DNAH11: variants seen among roughly 807,000 people sequenced by gnomAD.
DNAH11 encodes axonemal beta dynein heavy chain 11.
In DNAH11, 442 loss-of-function variants were observed where a neutral mutation model predicts 526.0. The ratio of observed to expected loss-of-function variants is 0.84; its 90% confidence interval spans 0.78 to 0.91. DNAH11 has a LOEUF of 0.91. Ranked by LOEUF, DNAH11 falls within the 40% of genes least tolerant of loss-of-function variation. DNAH11 has a pLI of 0.00. For synonymous variants in DNAH11, 2,461 were observed against 1,935.9 expected, an observed-to-expected ratio of 1.27 and a Z score of -7.12; for missense variants, 6,989 against 5,448.7, an observed-to-expected ratio of 1.28 and a Z score of -8.90.
chr7:21,803,278 A>G (rs1789076959), intron 62 of DNAH11, among the ~76,000 whole-genome samples: 1 of 152,122 alleles, frequency 6.6e-6, no homozygotes, highest in African/African-American at 2.4e-5. Context: ...CACATATTAC[A>G]AAAAATGCTA....
intron 68 of DNAH11, among the ~76,000 whole-genome samples, chr7:21,860,647 C>T (rs962204607): frequency 6.6e-6 from 1 of 152,278 alleles, no homozygotes; most frequent in African/African-American, 2.4e-5. Flanking sequence ...CATGCTGCAA[C>T]GTGGATGAAC....
chr7:21,851,280 C>A, intron 66 of DNAH11: 1 of 242,060 alleles, frequency 4.1e-6, no homozygotes, highest in Non-Finnish European at 8.3e-6. Flanking sequence ...CTGCTGCCGC[C>A]AAGGAAAGAA....
intron 77 of DNAH11, among the ~76,000 whole-genome samples, chr7:21,893,927 T>C (rs1784415509): frequency 1.3e-5 from 2 of 152,212 alleles, no homozygotes; most frequent in African/African-American, 4.8e-5. Flanking sequence ...TTCATTCTGT[T>C]GCCCAGGCTG....
At chr7:21,610,261 CA>C (rs1257421985) in intron 20 of DNAH11, among the ~76,000 whole-genome samples, 2 of 151,998 alleles carry the variant, frequency 1.3e-5, no homozygotes, top group African/African-American at 2.4e-5. Context: ...CTCAAAAAAA[CA>C]AAAACAAAAC....
Position 21,543,296 on chromosome 7 carries a change from G to A in DNAH11, c.51G>A (p.Pro17=), listed in dbSNP as rs1402035790. The change falls in exon 1 of 82, where the codon CCG becomes CCA. Residue 17 remains proline (P), a synonymous_variant. Transcript: ENST00000409508. The stretch of plus-strand genomic sequence containing the variant: ...AGGCGCGAGACTTCAGAGAAGCCCC[G>A]ACCCTTCGCCTAACCTCGGGGGCCG... ...AREARDFREA[P]TLRLTSGAGL... 2 of 1,548,326 alleles carry A rather than the reference G, an allele frequency of 1.3e-6. No homozygotes were observed. The highest frequency in any genetic ancestry group is 1.7e-6 in the Non-Finnish European group (2 of 1,145,888).
At chr7:21,773,284 A>C (rs1413156393) in intron 55 of DNAH11, among the ~76,000 whole-genome samples, 1 of 150,334 alleles carries the variant, frequency 6.7e-6, no homozygotes, top group African/African-American at 2.4e-5. Context: ...TTTATACCCT[A>C]CTATCCAGTT....
intron 45 of DNAH11, among the ~76,000 whole-genome samples, chr7:21,733,065 G>T (rs150404112): frequency 7.2e-5 from 11 of 152,264 alleles, no homozygotes; most frequent in African/African-American, 2.6e-4. Flanking sequence ...TGGGGACTTG[G>T]ACAAAGTGGG....
chr7:21,631,744 C>T (rs1454928034), intron 25 of DNAH11, among the ~76,000 whole-genome samples: 1 of 152,156 alleles, frequency 6.6e-6, no homozygotes, highest in East Asian at 1.9e-4. Context: ...AGTCTCCCTC[C>T]CGGCTGCTTT....
At chr7:21,810,440 A>C (rs1789466080) in intron 63 of DNAH11, among the ~76,000 whole-genome samples, 1 of 152,332 alleles carries the variant, frequency 6.6e-6, no homozygotes, top group Admixed American at 6.5e-5. Context: ...AGAAAATTGA[A>C]GCACTCACAC....
At chr7:21,623,822 G>T (rs1204332999) in intron 25 of DNAH11, among the ~76,000 whole-genome samples, 1 of 151,510 alleles carries the variant, frequency 6.6e-6, no homozygotes, top group Non-Finnish European at 1.5e-5. Context: ...TTGTGGGGTG[G>T]GGGGAGGAGG....
chr7:21,786,560 A>T, intron 58 of DNAH11, 64 bp from the exon 59 acceptor site: 1 of 1,519,302 alleles, frequency 6.6e-7, no homozygotes, highest in South Asian at 1.4e-5. Context: ...TTGGCAACTT[A>T]CAGAGCTTCT....
At chr7:21,613,045 A>C (rs1432033420) in intron 20 of DNAH11, among the ~76,000 whole-genome samples, 2 of 152,186 alleles carry the variant, frequency 1.3e-5, no homozygotes, top group East Asian at 3.8e-4. Context: ...GGAACGTGAA[A>C]ATTTCCAGAA....
intron 26 of DNAH11, among the ~76,000 whole-genome samples, chr7:21,637,293 C>T (rs1322959141): frequency 6.6e-6 from 1 of 151,858 alleles, no homozygotes; most frequent in Non-Finnish European, 1.5e-5. Flanking sequence ...TTTCCTCTTC[C>T]CATTCTCCCT....
At position 21,601,635 on chromosome 7, in the gene DNAH11, A is replaced by C. The variant is rs754674120; in HGVS notation, c.3648+17A>C. The C allele has an allele frequency of 6.6e-7, 1 of 1,506,594 alleles. No individual in the cohort carries two copies. Among genetic ancestry groups the C allele is most frequent in the Non-Finnish European group, 8.9e-7 (1 of 1,121,264 alleles). 93.3% of individuals were successfully genotyped at this position (1,506,594 alleles called of 1,614,324 possible). On this transcript the variant is annotated intron_variant, in intron 18 of 81. Transcript: ENST00000409508. ...CAGCTAGAGGTAAGTGCAGAGGTGA[A>C]ATAATCATAATTACCATAAATTGAG...
intron 30 of DNAH11, among the ~76,000 whole-genome samples, chr7:21,680,649 G>T (rs186839407): frequency 1.3e-5 from 2 of 152,218 alleles, no homozygotes; most frequent in Admixed American, 1.3e-4. Flanking sequence ...GTCATTCATG[G>T]CATTCCATTT....
chr7:21,753,630 A>G (rs1296286304), intron 54 of DNAH11, among the ~76,000 whole-genome samples: 2 of 152,218 alleles, frequency 1.3e-5, no homozygotes, highest in East Asian at 3.8e-4. Context: ...TGTATGTCCA[A>G]TAGCCATATT....
intron 34 of DNAH11, among the ~76,000 whole-genome samples, chr7:21,689,076 T>A (rs1783507077): frequency 6.6e-6 from 1 of 152,336 alleles, no homozygotes; most frequent in East Asian, 1.9e-4. Flanking sequence ...CTAGAAAATC[T>A]CTCAGTCCTT....
chr7:21,856,720 G>GA lies in DNAH11; in HGVS notation c.11202+2273dup, dbSNP rs563050890. On this transcript the variant is annotated intron_variant, in intron 68 of 81. Transcript: ENST00000409508. ...TAATTAATCAGTTAACAGAATAAAA[G>GA]AAAAAAAAGCTCATATGGTCATTTC... is the stretch of plus-strand genomic sequence containing the variant. 6.0e-5 allele frequency among the ~76,000 whole-genome samples: 9 copies of GA among 150,810 alleles called. No individual in the cohort carries two copies. In the South Asian group the frequency reaches 8.4e-4, roughly 14 times the overall value.
chr7:21,825,846 C>G (rs552012769), intron 65 of DNAH11, among the ~76,000 whole-genome samples: 5 of 151,736 alleles, frequency 3.3e-5, no homozygotes, highest in African/African-American at 1.2e-4. Flanking sequence ...GTAGTCCCAG[C>G]TACTCGGGAG....
Sources: allele counts gnomAD v4.1 joint callset (sites outside exome capture counted in the v4.1 genomes callset), GRCh38; gene constraint gnomAD v4.1.1; transcripts MANE v1.5; gene names NCBI Gene and HGNC (gene_info 2026-07-23, HGNC 2026-07-21).